Variants in EFCAB9 observed in about 807,000 individuals in gnomAD.
EFCAB9 encodes EF-hand calcium binding domain 9, also known as EF-hand calcium-binding domain-containing protein 9.
A neutral mutation model predicts 15.6 loss-of-function variants in EFCAB9; 16 were observed. The observed-to-expected ratio is 1.03, with a 90% CI of 0.69 to 1.56. The LOEUF (loss-of-function observed/expected upper bound fraction) is 1.56, where lower values mean the gene tolerates loss of function less well. EFCAB9 is among the 40% of genes most tolerant of loss of function. The probability of loss-of-function intolerance (pLI) is 0.00; values close to 1 mark genes in which losing one functional copy is unlikely to be tolerated. For missense variants in EFCAB9, 208 were observed against 235.4 expected, an observed-to-expected ratio of 0.88 and a Z score of 0.76; for synonymous variants, 76 against 85.4, an observed-to-expected ratio of 0.89 and a Z score of 0.61.
At chr5:172,199,671 T>C (rs945561402) in intron 2 of EFCAB9, 140 bp downstream of exon 2, 1 of 1,272,512 alleles carries the variant, frequency 7.9e-7, no homozygotes, top group Non-Finnish European at 1.1e-6. Context: ...TCCCGAATGG[T>C]TCAGGTTTTT....
At position 172,194,199 on chromosome 5, in the gene EFCAB9, G is replaced by C; in HGVS notation, c.27G>C (p.Leu9=). The C allele has an allele frequency of 2.0e-6, 3 of 1,537,512 alleles. No homozygotes were observed. The highest frequency in any genetic ancestry group is 2.4e-5 in the South Asian group (2 of 84,054). Reference sequence around the variant, plus strand: ...TGAGACTGAAGCAAGGATCGTTTCTGTGGTACCTCTATCTGGACAAAATAT... The same window carrying C: ...TGAGACTGAAGCAAGGATCGTTTCTCTGGTACCTCTATCTGGACAAAATAT... MRLKQGSF[L]WYLYLDKIYC... Residue 9 remains leucine (L), a synonymous_variant, in exon 1 of 4, where the codon CTG becomes CTC. Coordinates refer to ENST00000398186, the MANE Select transcript of EFCAB9 (RefSeq NM_001171183.2).
At position 172,199,416 on chromosome 5, in the gene EFCAB9, C is replaced by G; in HGVS notation, c.170C>G (p.Thr57Ser). The change falls in exon 2 of 4, where the codon ACT becomes AGT. Residue 57 changes from threonine (T) to serine (S), a missense_variant. Thr to Ser is a moderately conservative substitution (Grantham distance 58). Coordinates refer to ENST00000398186, the MANE Select transcript of EFCAB9 (RefSeq NM_001171183.2). ...TTCTATCACTTCCTTCATCATGTGA[C>G]TGACTTGAAAAAGGCACAGATCAAC... ...VLFYHFLHHV[T>S]DLKKAQINIV... is the part of the protein sequence containing the mutation. 6.5e-7 allele frequency: 1 copy of G among 1,537,266 alleles called. No individual in the cohort carries two copies. Among genetic ancestry groups the G allele is most frequent in the Non-Finnish European group, 8.7e-7 (1 of 1,146,910 alleles).
intron 1 of EFCAB9, among the ~76,000 whole-genome samples, chr5:172,195,193 AAT>A (rs1319066510): frequency 6.7e-6 from 1 of 148,952 alleles, no homozygotes; most frequent in South Asian, 2.1e-4. Flanking sequence ...AAAATAAATA[AAT>A]AAATAAATAA....
At chr5:172,195,514 G>C (rs1771146307) in intron 1 of EFCAB9, among the ~76,000 whole-genome samples, 1 of 152,220 alleles carries the variant, frequency 6.6e-6, no homozygotes, top group Non-Finnish European at 1.5e-5. Flanking sequence ...AGCTGCAGGG[G>C]ACCTAGTTGT....
At chr5:172,196,771 T>C (rs1771171714) in intron 1 of EFCAB9, among the ~76,000 whole-genome samples, 2 of 152,296 alleles carry the variant, frequency 1.3e-5, no homozygotes, top group Middle Eastern at 3.4e-3. Context: ...TTACTGTAAT[T>C]TGTACATACA....
chr5:172,197,629 CT>C (rs1771183853), intron 1 of EFCAB9, among the ~76,000 whole-genome samples: 1 of 152,284 alleles, frequency 6.6e-6, no homozygotes, highest in Middle Eastern at 3.4e-3. Flanking sequence ...GGTATTGTGT[CT>C]GGTGTTGGTT....
chr5:172,198,579 A>G (rs1771199359), intron 1 of EFCAB9, among the ~76,000 whole-genome samples: 1 of 152,252 alleles, frequency 6.6e-6, no homozygotes, highest in Non-Finnish European at 1.5e-5. Flanking sequence ...TTATACAAGC[A>G]TGAGGCACAT....
chr5:172,194,380 AG>A, intron 1 of EFCAB9, 72 bp downstream of exon 1: 1 of 1,480,792 alleles, frequency 6.8e-7, no homozygotes, highest in South Asian at 1.3e-5. Flanking sequence ...AAACTTGCAG[AG>A]CCAGAAACTA....
At chr5:172,197,523 C>T (rs945835889) in intron 1 of EFCAB9, among the ~76,000 whole-genome samples, 3 of 152,166 alleles carry the variant, frequency 2.0e-5, no homozygotes, top group Non-Finnish European at 4.4e-5. Context: ...GAATCAGAAT[C>T]TGTAGTTTTA....
chr5:172,202,947 C>T (rs1483600361), intron 3 of EFCAB9, among the ~76,000 whole-genome samples: 1 of 151,992 alleles, frequency 6.6e-6, no homozygotes, highest in East Asian at 1.9e-4. Flanking sequence ...TGCAGTGAGC[C>T]GAGATAGCGC....
At chr5:172,198,314 G>A (rs1367644475) in intron 1 of EFCAB9, among the ~76,000 whole-genome samples, 1 of 152,088 alleles carries the variant, frequency 6.6e-6, no homozygotes, top group African/African-American at 2.4e-5. Flanking sequence ...TTCGAGACGA[G>A]TCTGGGCAAC....
chr5:172,195,195 T>TAA (rs1554125616), intron 1 of EFCAB9, among the ~76,000 whole-genome samples: 4 of 148,312 alleles, frequency 2.7e-5, no homozygotes, highest in African/African-American at 1.0e-4. Context: ...AATAAATAAA[T>TAA]AAATAAATAA....
chr5:172,196,068 C>A (rs145031522), intron 1 of EFCAB9, among the ~76,000 whole-genome samples: 1 of 152,144 alleles, frequency 6.6e-6, no homozygotes, highest in South Asian at 2.1e-4. Flanking sequence ...TCAAGTGATC[C>A]GCCCACCTCA....
At chr5:172,196,094 G>A (rs1444962182) in intron 1 of EFCAB9, among the ~76,000 whole-genome samples, 2 of 152,148 alleles carry the variant, frequency 1.3e-5, no homozygotes, top group African/African-American at 2.4e-5. Context: ...CCAAAGTGCT[G>A]GGATTACAGG....
In EFCAB9 at chr5:172,201,372, C is replaced by T. The variant is rs190022661; in HGVS notation, c.462+630C>T. ...CTGGGCAACAAGAGGGAAACTCCGA[C>T]TTAAAAACAACAACAACAACAAAAA... On this transcript the variant is annotated intron_variant, in intron 3 of 3. Transcript: ENST00000398186. 1.3e-4 allele frequency among the ~76,000 whole-genome samples: 19 copies of T among 151,458 alleles called. No homozygotes were observed. In the East Asian group the frequency reaches 3.1e-3, roughly 25 times the overall value.
intron 3 of EFCAB9, among the ~76,000 whole-genome samples, chr5:172,202,063 G>T (rs1228207285): frequency 1.3e-5 from 2 of 152,044 alleles, no homozygotes; most frequent in African/African-American, 4.8e-5. Flanking sequence ...GGCTGGGGTT[G>T]GGCGCGGTGG....
chr5:172,198,860 C>T (rs554166084), intron 1 of EFCAB9, among the ~76,000 whole-genome samples: 36 of 152,280 alleles, frequency 2.4e-4, no homozygotes, highest in African/African-American at 7.9e-4. Flanking sequence ...GTGATTTGCC[C>T]GCCTTGGCCT....
chr5:172,200,601 C>T lies in EFCAB9; in HGVS notation c.321C>T (p.Ser107=), dbSNP rs776700402. The T allele has an allele frequency of 6.5e-7, 1 of 1,537,044 alleles. No homozygotes were observed. Among genetic ancestry groups the T allele is most frequent in the South Asian group, 1.2e-5 (1 of 84,032 alleles). Residue 107 remains serine, a synonymous_variant, in exon 3 of 4, where the codon TCC becomes TCT. Transcript: ENST00000398186. ...HLEGQFMYRH[S]RPVFDLLDLK... The stretch of plus-strand genomic sequence containing the variant: ...AAGGACAGTTTATGTATCGTCATTC[C>T]CGGCCTGTCTTTGACCTGCTTGACC...
chr5:172,199,536 G>T lies in EFCAB9; in HGVS notation c.285+5G>T, dbSNP rs1301754196. ...TGCATGCTGCTGGCCCACCAGGCAA[G>T]TAGCCGCGCGGCTGCTGCCATCCTC... On this transcript the variant is annotated splice_donor_5th_base_variant and intron_variant, in intron 2 of 3. Coordinates refer to ENST00000398186, the MANE Select transcript of EFCAB9 (RefSeq NM_001171183.2). The T allele has an allele frequency of 2.0e-6, 3 of 1,537,044 alleles. No individual in the cohort carries two copies. Among genetic ancestry groups the T allele is most frequent in the Non-Finnish European group, 8.7e-7 (1 of 1,146,798 alleles).
Sources: gnomAD v4.1 joint callset for allele counts (sites outside exome capture counted in the v4.1 genomes callset) on GRCh38, gnomAD v4.1.1 for gene constraint, MANE v1.5 for transcripts, NCBI Gene and HGNC (gene_info 2026-07-23, HGNC 2026-07-21) for gene names.